The following MBD5 variants were observed in gnomAD, a reference collection of about 807,000 sequenced individuals.
MBD5 encodes the protein methyl-CpG binding domain protein 5, also known as methyl-CpG-binding domain protein 5.
Under a neutral mutation model 117.3 loss-of-function variants are expected in MBD5, and 13 were observed. That is an observed-to-expected ratio of 0.11 (90% CI 0.07 to 0.18). MBD5 has a LOEUF of 0.18. Ranked by LOEUF, MBD5 falls within the 10% of genes least tolerant of loss-of-function variation. The pLI is 1.00. For synonymous variants in MBD5, 727 were observed against 766.4 expected, an observed-to-expected ratio of 0.95 and a Z score of 0.85; for missense variants, 1,879 against 2,093.8, an observed-to-expected ratio of 0.90 and a Z score of 2.00.
At chr2:148,405,567 G>A (rs145598294) in intron 4 of MBD5, among the ~76,000 whole-genome samples, 1 of 152,308 alleles carries the variant, frequency 6.6e-6, no homozygotes, top group African/African-American at 2.4e-5. Context: ...GGTCATCCAG[G>A]AAGAAAGGAG....
chr2:148,301,945 G>A (rs2106481800), intron 3 of MBD5, among the ~76,000 whole-genome samples: 1 of 152,160 alleles, frequency 6.6e-6, no homozygotes, highest in East Asian at 1.9e-4. Context: ...CCTGGCACCA[G>A]CTGTGACCAA....
intron 1 of MBD5, among the ~76,000 whole-genome samples, chr2:148,109,352 G>A (rs1241285220): frequency 6.6e-6 from 1 of 152,074 alleles, no homozygotes; most frequent in Admixed American, 6.6e-5. Context: ...TAGATAATGT[G>A]CAAAGCTTTA....
At position 148,489,571 on chromosome 2, in the gene MBD5, A is replaced by C; in HGVS notation, c.3939A>C (p.Pro1313=). 1.2e-6 allele frequency: 2 copies of C among 1,614,196 alleles called. No individual in the cohort carries two copies. ...QVKDGLVVGG[P]GDASVDAIYK... is the part of the protein sequence containing the mutation. The stretch of plus-strand genomic sequence containing the variant: ...AGGATGGCCTCGTTGTGGGTGGCCC[A>C]GGTGATGCTTCCGTAGATGCCATTT... The change falls in exon 11 of 14, where the codon CCA becomes CCC. Residue 1313 remains proline, a synonymous_variant. Coordinates refer to ENST00000642680, the MANE Select transcript of MBD5 (RefSeq NM_001378120.1).
chr2:148,257,008 C>T (rs1008707866), intron 3 of MBD5, among the ~76,000 whole-genome samples: 4 of 152,240 alleles, frequency 2.6e-5, no homozygotes, highest in African/African-American at 4.8e-5. Context: ...GTCATCCACA[C>T]GATGACTGCA....
At chr2:148,332,314 G>A (rs187784145) in intron 3 of MBD5, among the ~76,000 whole-genome samples, 2 of 152,208 alleles carry the variant, frequency 1.3e-5, no homozygotes, top group Admixed American at 1.3e-4. Context: ...ACCATATCCT[G>A]TATCTAACTC....
intron 2 of MBD5, among the ~76,000 whole-genome samples, chr2:148,230,651 C>T (rs1289533530): frequency 6.6e-6 from 1 of 152,112 alleles, no homozygotes. Flanking sequence ...TAGGAATGTG[C>T]TTAGTCTCAC....
chr2:148,367,199 A>G (rs1344483793), intron 4 of MBD5, among the ~76,000 whole-genome samples: 5 of 152,194 alleles, frequency 3.3e-5, no homozygotes, highest in Non-Finnish European at 7.3e-5. Context: ...CTGATCTTTG[A>G]CAAACCTGAC....
intron 1 of MBD5, among the ~76,000 whole-genome samples, chr2:148,031,038 G>A (rs2105587602): frequency 6.6e-6 from 1 of 152,268 alleles, no homozygotes; most frequent in East Asian, 1.9e-4. Context: ...AAGGATGGCA[G>A]TTATAAAGTG....
At position 148,195,611 on chromosome 2, in the gene MBD5, CTG is replaced by C. The variant is rs1393596122; in HGVS notation, c.-831+16822_-831+16823del. On this transcript the variant is annotated intron_variant, in intron 2 of 13. Coordinates refer to ENST00000642680, the MANE Select transcript of MBD5 (RefSeq NM_001378120.1). ...AACAACAGAATACACATTTTTTTCA[CTG>C]TGTATAGAACATTAATCATGATAGA... Among the ~76,000 whole-genome samples the C allele has an allele frequency of 2.0e-5, 3 of 152,166 alleles. No homozygotes were observed. In the East Asian group the frequency reaches 5.8e-4, roughly 29 times the overall value.
chr2:148,298,921 C>T (rs975351869), intron 3 of MBD5, among the ~76,000 whole-genome samples: 2 of 152,160 alleles, frequency 1.3e-5, no homozygotes, highest in Non-Finnish European at 2.9e-5. Flanking sequence ...TTCTGGGTTA[C>T]AGCCAATCTC....
intron 3 of MBD5, among the ~76,000 whole-genome samples, chr2:148,235,059 G>A (rs1700063282): frequency 6.6e-6 from 1 of 152,090 alleles, no homozygotes; most frequent in Non-Finnish European, 1.5e-5. Flanking sequence ...ATATGAAATA[G>A]TGCAGTTTTT....
chr2:148,114,573 G>A (rs912738341), intron 1 of MBD5, among the ~76,000 whole-genome samples: 1 of 152,122 alleles, frequency 6.6e-6, no homozygotes, highest in African/African-American at 2.4e-5. Context: ...AATTGTTAGA[G>A]AAAACCAGTA....
intron 1 of MBD5, among the ~76,000 whole-genome samples, chr2:148,073,997 CT>C (rs918670381): frequency 2.3e-4 from 34 of 149,200 alleles, no homozygotes; most frequent in South Asian, 6.4e-4. Context: ...ACCAGATAAT[CT>C]TTTTTTTTTC....
intron 4 of MBD5, among the ~76,000 whole-genome samples, chr2:148,395,175 C>G (rs1233170267): frequency 6.6e-6 from 1 of 152,152 alleles, no homozygotes; most frequent in Non-Finnish European, 1.5e-5. Flanking sequence ...CTGCTTCTCT[C>G]TATTCATGTT....
intron 1 of MBD5, among the ~76,000 whole-genome samples, chr2:148,045,293 G>C (rs994729727): frequency 1.3e-4 from 20 of 152,102 alleles, no homozygotes; most frequent in Admixed American, 9.2e-4. Flanking sequence ...CTCAACCAAG[G>C]TTACATGACT....
chr2:148,408,429 G>C (rs545481679), intron 4 of MBD5, among the ~76,000 whole-genome samples: 65 of 152,156 alleles, frequency 4.3e-4, no homozygotes, highest in Middle Eastern at 3.4e-3. Flanking sequence ...TTAGCATCAA[G>C]GTTGCTGTCA....
chr2:148,258,320 CAG>C (rs949138148), intron 3 of MBD5, among the ~76,000 whole-genome samples: 9 of 152,136 alleles, frequency 5.9e-5, no homozygotes, highest in Non-Finnish European at 1.2e-4. Flanking sequence ...TGCCAAGGTA[CAG>C]AGATACAGGT....
intron 1 of MBD5, among the ~76,000 whole-genome samples, chr2:148,124,076 C>A (rs1356417726): frequency 1.3e-5 from 2 of 151,956 alleles, no homozygotes; most frequent in East Asian, 1.9e-4. Flanking sequence ...GGCAGGAGTT[C>A]GAGATCAGCC....
intron 8 of MBD5, among the ~76,000 whole-genome samples, chr2:148,482,473 T>TA (rs1426395197): frequency 2.6e-5 from 4 of 152,014 alleles, no homozygotes; most frequent in Non-Finnish European, 5.9e-5. Context: ...TTTTAAAAAA[T>TA]ATATGTAACA....
Sources: allele counts gnomAD v4.1 joint callset (sites outside exome capture counted in the v4.1 genomes callset), GRCh38; gene constraint gnomAD v4.1.1; transcripts MANE v1.5; gene names NCBI Gene and HGNC (gene_info 2026-07-23, HGNC 2026-07-21).